Variants in POLR1D observed in about 807,000 individuals in gnomAD.
POLR1D encodes RNA polymerase I and III subunit D.
In POLR1D, 8 loss-of-function variants were observed where a neutral mutation model predicts 10.8. The ratio of observed to expected loss-of-function variants is 0.74; its 90% confidence interval spans 0.43 to 1.33. The LOEUF (loss-of-function observed/expected upper bound fraction) is 1.33, where lower values mean the gene tolerates loss of function less well. Ranked by LOEUF, POLR1D falls within the 40% of genes most tolerant of loss-of-function variation. The probability of loss-of-function intolerance (pLI) is 0.01; values close to 1 mark genes in which losing one functional copy is unlikely to be tolerated. For missense variants in POLR1D, 152 were observed against 161.7 expected, an observed-to-expected ratio of 0.94 and a Z score of 0.32; for synonymous variants, 54 against 57.2, an observed-to-expected ratio of 0.94 and a Z score of 0.25.
At chr13:27,658,877 C>G (rs1301122002) in intron 2 of POLR1D, among the ~76,000 whole-genome samples, 1 of 152,204 alleles carries the variant, frequency 6.6e-6, no homozygotes, top group Admixed American at 6.5e-5. Flanking sequence ...TTTAGCTTAT[C>G]TACTGCCCAA....
downstream of POLR1D, among the ~76,000 whole-genome samples, chr13:27,624,542 T>A (rs146676282): frequency 1.6e-3 from 238 of 152,206 alleles, 1 homozygote; most frequent in African/African-American, 5.5e-3. Context: ...GATAGATATA[T>A]AGCTATAGTG....
intron 2 of POLR1D, among the ~76,000 whole-genome samples, chr13:27,655,805 A>ACT (rs1956303055): frequency 6.9e-6 from 1 of 144,324 alleles, no homozygotes; most frequent in Non-Finnish European, 1.6e-5. Context: ...TTAGTGAGAG[A>ACT]ATAGAGAATC....
intron 1 of POLR1D, among the ~76,000 whole-genome samples, chr13:27,631,078 A>T (rs539547137): frequency 1.3e-5 from 2 of 152,210 alleles, no homozygotes; most frequent in African/African-American, 4.8e-5. Context: ...ACTGGGTATT[A>T]GTCCATTGCT....
At chr13:27,634,037 C>G (rs763487306) in intron 1 of POLR1D, among the ~76,000 whole-genome samples, 56 of 152,186 alleles carry the variant, frequency 3.7e-4, no homozygotes, top group African/African-American at 1.2e-3. Context: ...GTAATTGAAG[C>G]CTTCTAGACT....
chr13:27,645,637 C>T (rs1047729522), intron 1 of POLR1D, among the ~76,000 whole-genome samples: 1 of 151,914 alleles, frequency 6.6e-6, no homozygotes, highest in South Asian at 2.1e-4. Flanking sequence ...GAATGGGTCA[C>T]GCTGCACCAC....
At chr13:27,621,858 C>T (rs1322744764), upstream of POLR1D, 11 of 1,006,376 alleles carry the variant, frequency 1.1e-5, no homozygotes, top group East Asian at 7.9e-5. Context: ...CTCCTCCTCC[C>T]TCCTTCCGTC....
chr13:27,641,859 G>A (rs888430344), intron 1 of POLR1D, among the ~76,000 whole-genome samples: 1 of 152,202 alleles, frequency 6.6e-6, no homozygotes, highest in South Asian at 2.1e-4. Context: ...CCCCGTGCAT[G>A]TAACAGCAAA....
In POLR1D at chr13:27,652,907, A is replaced by ACTTCTTTTTTTTTT. The variant is rs1365436145; in HGVS notation, c.101+4454_101+4455insCTTCTTTTTTTTTT. On this transcript the variant is annotated intron_variant, in intron 2 of 2. Transcript: ENST00000399697. Reference sequence around the variant, plus strand: ...AAACTTGCCAGAAGTTGCATTTACCATTTCTTTTTTTTTTTTTTTTTTTTT... The same window carrying ACTTCTTTTTTTTTT: ...AAACTTGCCAGAAGTTGCATTTACCACTTCTTTTTTTTTTTTTCTTTTTTTTTTTTTTTTTTTTT... 5.1e-5 allele frequency among the ~76,000 whole-genome samples: 4 copies of ACTTCTTTTTTTTTT among 78,530 alleles called. 2 individuals are homozygous for ACTTCTTTTTTTTTT. Among genetic ancestry groups the ACTTCTTTTTTTTTT allele is most frequent in the African/African-American group, 2.4e-4 (4 of 16,672 alleles). 51.5% of individuals were successfully genotyped at this position (78,530 alleles called of 152,430 possible). A position where few individuals can be genotyped will look rare whatever the true frequency, so the allele number is the denominator to read the frequency against.
chr13:27,622,351 C>A, intron 1 of POLR1D: 1 of 436,098 alleles, frequency 2.3e-6, no homozygotes. Flanking sequence ...TTTCTATGTG[C>A]AGACTGCTCC....
At chr13:27,659,601 T>C (rs2138570898) in intron 2 of POLR1D, among the ~76,000 whole-genome samples, 1 of 152,334 alleles carries the variant, frequency 6.6e-6, no homozygotes, top group Non-Finnish European at 1.5e-5. Context: ...TGCCAATGCT[T>C]ACTGCCCCTG....
intron 1 of POLR1D, among the ~76,000 whole-genome samples, chr13:27,630,976 C>T (rs942020466): frequency 5.9e-5 from 9 of 152,228 alleles, no homozygotes; most frequent in African/African-American, 2.2e-4. Context: ...AGGGCCTTGG[C>T]ACTTGCCCTT....
At chr13:27,643,380 A>G (rs1055963668) in intron 1 of POLR1D, among the ~76,000 whole-genome samples, 1 of 152,136 alleles carries the variant, frequency 6.6e-6, no homozygotes, top group Non-Finnish European at 1.5e-5. Context: ...ACCTTTCTTT[A>G]GAGCTGATAC....
At chr13:27,627,546 G>C (rs1349783769), downstream of POLR1D, among the ~76,000 whole-genome samples, 1 of 152,080 alleles carries the variant, frequency 6.6e-6, no homozygotes, top group African/African-American at 2.4e-5. Context: ...AATTCAGAAT[G>C]GGATGGGTGA....
chr13:27,624,564 G>A (rs534125947), downstream of POLR1D, among the ~76,000 whole-genome samples: 3 of 152,254 alleles, frequency 2.0e-5, no homozygotes, highest in South Asian at 6.2e-4. Context: ...ATGAGACAGA[G>A]TAAGTCCTGT....
chr13:27,625,066 A>C (rs1955995387), downstream of POLR1D, among the ~76,000 whole-genome samples: 1 of 152,322 alleles, frequency 6.6e-6, no homozygotes, highest in East Asian at 1.9e-4. Context: ...TTCTGGGGGT[A>C]TAGCATGTGC....
intron 2 of POLR1D, chr13:27,665,550 T>C: frequency 5.1e-6 from 4 of 789,376 alleles, no homozygotes; most frequent in Non-Finnish European, 8.8e-6. Context: ...CTAGGTGGCA[T>C]GCAAGGAAAG....
chr13:27,623,890 G>A (rs956141773), downstream of POLR1D, among the ~76,000 whole-genome samples: 17 of 152,090 alleles, frequency 1.1e-4, no homozygotes, highest in African/African-American at 4.1e-4. Flanking sequence ...TGAATTTTGG[G>A]ATATACTTAG....
chr13:27,653,606 C>T (rs538819112), intron 2 of POLR1D, among the ~76,000 whole-genome samples: 7 of 152,202 alleles, frequency 4.6e-5, no homozygotes, highest in South Asian at 2.1e-4. Context: ...TGCACTCTTA[C>T]GTTATTGAGA....
At chr13:27,644,418 A>G (rs1003220271) in intron 1 of POLR1D, among the ~76,000 whole-genome samples, 1 of 152,220 alleles carries the variant, frequency 6.6e-6, no homozygotes, top group Non-Finnish European at 1.5e-5. Flanking sequence ...TTAAGCTGCT[A>G]TTATGATCAG....
Sources: gnomAD v4.1 joint callset for allele counts (sites outside exome capture counted in the v4.1 genomes callset) on GRCh38, gnomAD v4.1.1 for gene constraint, MANE v1.5 for transcripts, NCBI Gene and HGNC (gene_info 2026-07-23, HGNC 2026-07-21) for gene names.